SDK1: variants seen among roughly 807,000 people sequenced by gnomAD.
SDK1 encodes sidekick cell adhesion molecule 1, also known as protein sidekick-1.
In SDK1, 157 loss-of-function variants were observed where a neutral mutation model predicts 245.5. The ratio of observed to expected loss-of-function variants is 0.64; its 90% CI spans 0.56 to 0.73. The LOEUF is 0.73. SDK1 is among the 30% of genes least tolerant of loss of function. The pLI, the probability that SDK1 is intolerant of heterozygous loss-of-function variation, is 0.00. For synonymous variants in SDK1, 1,647 were observed against 1,278.5 expected (o/e 1.29, Z -6.15); for missense variants, 3,583 against 3,002.3 (o/e 1.19, Z -4.52).
intron 1 of SDK1, among the ~76,000 whole-genome samples, chr7:3,328,909 A>G (rs1167521716): frequency 1.3e-5 from 2 of 152,122 alleles, no homozygotes. Context: ...GCAGTTTGAC[A>G]TATTTTTCTA....
intron 1 of SDK1, among the ~76,000 whole-genome samples, chr7:3,541,648 C>A (rs1779055648): frequency 6.6e-6 from 1 of 152,214 alleles, no homozygotes; most frequent in Admixed American, 6.5e-5. Context: ...TTCTCTTCCA[C>A]ATGACTGTGT....
chr7:3,573,338 C>A (rs147025670), intron 1 of SDK1, among the ~76,000 whole-genome samples: 2 of 152,036 alleles, frequency 1.3e-5, no homozygotes, highest in Admixed American at 6.5e-5. Context: ...GAGGCGGGGC[C>A]GGTGGGGCCA....
chr7:3,594,292 C>A (rs1229067735), intron 1 of SDK1, among the ~76,000 whole-genome samples: 1 of 152,162 alleles, frequency 6.6e-6, no homozygotes, highest in Admixed American at 6.5e-5. Context: ...ACCCAAATTC[C>A]TTTTTATTGC....
chr7:3,660,710 A>G (rs1328986719), intron 4 of SDK1, among the ~76,000 whole-genome samples: 1 of 152,214 alleles, frequency 6.6e-6, no homozygotes, highest in African/African-American at 2.4e-5. Flanking sequence ...TGCTTCACCC[A>G]GGATGATTTC....
At chr7:3,689,859 T>G (rs1784397311) in intron 4 of SDK1, among the ~76,000 whole-genome samples, 1 of 152,240 alleles carries the variant, frequency 6.6e-6, no homozygotes, top group African/African-American at 2.4e-5. Context: ...AATTACCTTT[T>G]GCAAAAAACC....
At chr7:3,782,154 A>G (rs374444547) in intron 4 of SDK1, among the ~76,000 whole-genome samples, 20 of 152,368 alleles carry the variant, frequency 1.3e-4, no homozygotes, top group African/African-American at 4.8e-4. Flanking sequence ...CAGTACAGGA[A>G]GCATGGTGCC....
At chr7:3,508,480 A>G (rs1336624662) in intron 1 of SDK1, among the ~76,000 whole-genome samples, 3 of 151,786 alleles carry the variant, frequency 2.0e-5, no homozygotes, top group Non-Finnish European at 2.9e-5. Flanking sequence ...GCTGCCCGCC[A>G]CCATGCCTGA....
At chr7:4,194,452 G>GTATA (rs56995793) in intron 35 of SDK1, among the ~76,000 whole-genome samples, 1 of 100,056 alleles carries the variant, frequency 1.0e-5, no homozygotes, top group African/African-American at 4.4e-5. Flanking sequence ...ATGTATACAT[G>GTATA]TATATATGTG....
At position 4,166,568 on chromosome 7, in the gene SDK1, C is replaced by T. The variant is rs140984594; in HGVS notation, c.4800+4712C>T. On this transcript the variant is annotated intron_variant, in intron 32 of 44. Transcript: ENST00000404826. ...TTGATGTTGTGTCTCACGGGTATTG[C>T]GTGTTGAGCCTCCTGTGCTCTCAGA... 5.9e-3 allele frequency among the ~76,000 whole-genome samples: 894 copies of T among 152,314 alleles called. 3 individuals carry two copies. The highest frequency in any genetic ancestry group is 9.1e-3 in the Non-Finnish European group (622 of 68,030).
chr7:3,952,668 A>G (rs571143437), intron 7 of SDK1, among the ~76,000 whole-genome samples: 15 of 152,158 alleles, frequency 9.9e-5, no homozygotes, highest in Middle Eastern at 3.4e-3. Flanking sequence ...ATGTAAAACT[A>G]TCGGATGTTA....
chr7:3,476,855 C>T (rs1263502317), intron 1 of SDK1, among the ~76,000 whole-genome samples: 1 of 152,138 alleles, frequency 6.6e-6, no homozygotes, highest in Non-Finnish European at 1.5e-5. Context: ...GTATTCGTGA[C>T]TATTAAGAGA....
At chr7:3,490,299 A>T (rs2128604885) in intron 1 of SDK1, among the ~76,000 whole-genome samples, 1 of 152,366 alleles carries the variant, frequency 6.6e-6, no homozygotes, top group Non-Finnish European at 1.5e-5. Flanking sequence ...GATACCAATT[A>T]GCCGAAGAGA....
rs574996835 is a variant in SDK1, at chr7:3,571,880, A to T, written c.299-47200A>T. 1.1e-3 allele frequency among the ~76,000 whole-genome samples: 171 copies of T among 152,148 alleles called. 5 individuals are homozygous for T. The highest frequency in any genetic ancestry group is 1.8e-3 in the Non-Finnish European group (125 of 67,962). On this transcript the variant is annotated intron_variant, in intron 1 of 44. Transcript: ENST00000404826. ...ATCTGTATTTTAAAAGCTAATCGGT[A>T]TATTTCTACCTAGCCCTTAAAAAGC...
chr7:4,230,977 G>A (rs567263039), intron 40 of SDK1, among the ~76,000 whole-genome samples: 4 of 152,268 alleles, frequency 2.6e-5, no homozygotes, highest in Middle Eastern at 3.4e-3. Context: ...AGAGTAGACC[G>A]CATTTGTGGA....
chr7:4,224,827 A>G (rs1785329541), intron 40 of SDK1, among the ~76,000 whole-genome samples: 3 of 151,502 alleles, frequency 2.0e-5, no homozygotes, highest in African/African-American at 7.3e-5. Context: ...CTACAAATAG[A>G]AAAAAATTAG....
chr7:3,859,881 T>C (rs1780646749), intron 5 of SDK1, among the ~76,000 whole-genome samples: 1 of 152,184 alleles, frequency 6.6e-6, no homozygotes, highest in African/African-American at 2.4e-5. Context: ...GAAGATCTTT[T>C]TTAAGAAACA....
At position 3,634,311 on chromosome 7, in the gene SDK1, C is replaced by G. The variant is rs145051909; in HGVS notation, c.459-4693C>G. ...GGCTGAGATGGACCCGATGCTGCCT[C>G]ATAAAGAAATTCTAGGGTTGGTCCA... On this transcript the variant is annotated intron_variant, in intron 2 of 44. Transcript: ENST00000404826. 3.9e-4 allele frequency among the ~76,000 whole-genome samples: 59 copies of G among 152,288 alleles called. No homozygotes were observed. The East Asian group carries it at 0.011, about 28-fold the overall frequency.
At chr7:3,666,323 A>AGCTGCCCCAGGTCTCTTGTCATGG (rs1783531455) in intron 4 of SDK1, among the ~76,000 whole-genome samples, 1 of 152,194 alleles carries the variant, frequency 6.6e-6, no homozygotes, top group Non-Finnish European at 1.5e-5. Context: ...ACACTGTCCC[A>AGCTGCCCCAGGTCTCTTGTCATGG]GCTGCCCCAG....
intron 1 of SDK1, among the ~76,000 whole-genome samples, chr7:3,503,203 T>G (rs1279631857): frequency 6.6e-6 from 1 of 152,216 alleles, no homozygotes; most frequent in Non-Finnish European, 1.5e-5. Context: ...TAAGAATTTG[T>G]CAACTCCCTG....
Sources: gnomAD v4.1 joint callset for allele counts (sites outside exome capture counted in the v4.1 genomes callset) on GRCh38, gnomAD v4.1.1 for gene constraint, MANE v1.5 for transcripts, NCBI Gene and HGNC (gene_info 2026-07-23, HGNC 2026-07-21) for gene names.